Variants in FRMD6 observed in about 807,000 individuals in gnomAD.
FRMD6 encodes FERM domain-containing protein 6.
FRMD6 carries 37 observed loss-of-function variants against 73.2 expected under a neutral mutation model. The observed-to-expected ratio is 0.51, with a 90% CI of 0.39 to 0.66. The LOEUF is 0.66. FRMD6 is among the 30% of genes least tolerant of loss of function. The pLI is 0.00. For synonymous variants in FRMD6, 273 were observed against 282.2 expected (o/e 0.97, Z 0.33); for missense variants, 714 against 780.5 (o/e 0.91, Z 1.02).
chr14:51,540,291 G>C (rs1313501979), intron 1 of FRMD6, among the ~76,000 whole-genome samples: 1 of 152,158 alleles, frequency 6.6e-6, no homozygotes, highest in Non-Finnish European at 1.5e-5. Flanking sequence ...CCAGTTGTCA[G>C]GCCGGACAGA....
intron 1 of FRMD6, among the ~76,000 whole-genome samples, chr14:51,683,387 C>T (rs930940570): frequency 6.6e-6 from 1 of 152,064 alleles, no homozygotes; most frequent in Admixed American, 6.6e-5. Flanking sequence ...TCAAGTGATC[C>T]TCCTGCCTCA....
At chr14:51,678,891 C>T (rs1407982019) in intron 1 of FRMD6, among the ~76,000 whole-genome samples, 1 of 152,080 alleles carries the variant, frequency 6.6e-6, no homozygotes, top group East Asian at 1.9e-4. Context: ...GCAGAGGGAA[C>T]AGCATGGTCA....
chr14:51,513,947 T>C (rs2145445), intron 1 of FRMD6, among the ~76,000 whole-genome samples: 96,394 of 152,166 alleles, frequency 0.63, 32,716 homozygotes, highest in African/African-American at 0.88. Flanking sequence ...CAGGGAATTA[T>C]AAACATCTCT....
chr14:51,497,051 A>G (rs1184859751), intron 1 of FRMD6, among the ~76,000 whole-genome samples: 1 of 152,146 alleles, frequency 6.6e-6, no homozygotes, highest in Admixed American at 6.5e-5. Context: ...TAACCTTAAT[A>G]TCCTCATTCA....
At chr14:51,445,474 A>ATTT in the FRMD6 span, among the ~76,000 whole-genome samples, 65,151 of 149,032 alleles carry the variant, frequency 0.44, 14,365 homozygotes, top group East Asian at 0.61. Context: ...CAGAAGTGCA[A>ATTT]TTTTTTTTTT....
chr14:51,517,725 T>C (rs1884710692), intron 1 of FRMD6, among the ~76,000 whole-genome samples: 1 of 152,166 alleles, frequency 6.6e-6, no homozygotes, highest in Non-Finnish European at 1.5e-5. Flanking sequence ...GTAATTCTTC[T>C]ACAAGACTAA....
chr14:51,622,273 C>A (rs1890953582), intron 2 of FRMD6, among the ~76,000 whole-genome samples: 1 of 152,204 alleles, frequency 6.6e-6, no homozygotes, highest in African/African-American at 2.4e-5. Context: ...CCTTCAGCAA[C>A]CTGTTGTGAT....
chr14:51,689,393 C>CGG (rs1285422911), intron 1 of FRMD6, among the ~76,000 whole-genome samples: 1 of 152,210 alleles, frequency 6.6e-6, no homozygotes, highest in Non-Finnish European at 1.5e-5. Context: ...ACTGAAAACT[C>CGG]CTCCAAGACA....
chr14:51,415,822 A>T, the FRMD6 span, among the ~76,000 whole-genome samples: 1,406 of 152,254 alleles, frequency 9.2e-3, 22 homozygotes, highest in African/African-American at 0.032. Context: ...TTATTGCCCC[A>T]ATTTCAGAGC....
At chr14:51,659,551 A>T (rs751477227) in intron 1 of FRMD6, among the ~76,000 whole-genome samples, 5 of 152,144 alleles carry the variant, frequency 3.3e-5, no homozygotes, top group Non-Finnish European at 5.9e-5. Flanking sequence ...TTACTAATTG[A>T]TCGAGTTATT....
intron 2 of FRMD6, chr14:51,579,368 TCCCACAGTATAC>T (rs747097156): frequency 2.4e-4 from 36 of 152,186 alleles, no homozygotes; most frequent in Non-Finnish European, 4.7e-4. Context: ...CTCACTTTAC[TCCCACAGTATAC>T]CCCAGCTGTG....
intron 2 of FRMD6, among the ~76,000 whole-genome samples, chr14:51,690,409 A>G (rs929909049): frequency 1.3e-5 from 2 of 152,114 alleles, no homozygotes; most frequent in African/African-American, 4.8e-5. Flanking sequence ...TTTTTGAGAC[A>G]GAGTCTCACT....
chr14:51,575,354 T>A (rs752900133), intron 2 of FRMD6, among the ~76,000 whole-genome samples: 94 of 152,232 alleles, frequency 6.2e-4, no homozygotes, highest in Non-Finnish European at 1.1e-3. Flanking sequence ...GGGCTGTGAA[T>A]ATAAAGAGAG....
intron 1 of FRMD6, among the ~76,000 whole-genome samples, chr14:51,562,127 A>G (rs1009740244): frequency 6.6e-6 from 1 of 152,226 alleles, no homozygotes; most frequent in Non-Finnish European, 1.5e-5. Context: ...GTATTTGAGG[A>G]AGAGCACTGC....
chr14:51,516,276 C>G (rs901461521), intron 1 of FRMD6, among the ~76,000 whole-genome samples: 2 of 152,118 alleles, frequency 1.3e-5, no homozygotes, highest in African/African-American at 4.8e-5. Flanking sequence ...TTTACAGGGA[C>G]TGGTTTTTAG....
At chr14:51,428,855 A>G in the FRMD6 span, among the ~76,000 whole-genome samples, 3 of 151,826 alleles carry the variant, frequency 2.0e-5, no homozygotes, top group African/African-American at 7.3e-5. Flanking sequence ...CAGTTTCTTG[A>G]GCCCCAAGCT....
At chr14:51,413,202 C>T in the FRMD6 span, among the ~76,000 whole-genome samples, 1 of 152,140 alleles carries the variant, frequency 6.6e-6, no homozygotes, top group Non-Finnish European at 1.5e-5. Flanking sequence ...GGTACATGTG[C>T]ACAACGTGCA....
intron 2 of FRMD6, among the ~76,000 whole-genome samples, chr14:51,582,689 C>A (rs1263983714): frequency 6.6e-6 from 1 of 152,160 alleles, no homozygotes; most frequent in African/African-American, 2.4e-5. Context: ...TGTCATGACA[C>A]CCTTCCTGTC....
intron 1 of FRMD6, among the ~76,000 whole-genome samples, chr14:51,678,524 A>G (rs978132970): frequency 2.6e-5 from 4 of 152,268 alleles, no homozygotes; most frequent in East Asian, 1.9e-4. Flanking sequence ...GCTGACTCCC[A>G]TTGTGGGGGA....
Sources: gnomAD v4.1 joint callset for allele counts (sites outside exome capture counted in the v4.1 genomes callset) on GRCh38, gnomAD v4.1.1 for gene constraint, MANE v1.5 for transcripts, NCBI Gene and HGNC (gene_info 2026-07-23, HGNC 2026-07-21) for gene names.